Variants in GRM3 observed in about 807,000 individuals in gnomAD.
The protein encoded by GRM3 is glutamate metabotropic receptor 3.
A neutral mutation model predicts 70.5 loss-of-function variants in GRM3; 26 were observed. That is an observed-to-expected ratio of 0.37 (90% CI 0.27 to 0.51). GRM3 has a LOEUF of 0.51. GRM3 is among the 20% of genes least tolerant of loss of function. GRM3 has a pLI of 0.93. For synonymous variants in GRM3, 443 were observed against 434.9 expected, an observed-to-expected ratio of 1.02 and a Z score of -0.23; for missense variants, 859 against 1,123.8, an observed-to-expected ratio of 0.76 and a Z score of 3.37.
intron 1 of GRM3, among the ~76,000 whole-genome samples, chr7:86,713,366 A>G (rs1274581993): frequency 1.3e-5 from 2 of 151,986 alleles, no homozygotes; most frequent in South Asian, 2.1e-4. Context: ...TTATAGCCTC[A>G]TATTCAAAGT....
chr7:86,848,756 C>A (rs936376199), intron 4 of GRM3, among the ~76,000 whole-genome samples: 1 of 152,148 alleles, frequency 6.6e-6, no homozygotes, highest in Non-Finnish European at 1.5e-5. Context: ...CAAAGGACTA[C>A]CTCAAGACAG....
At chr7:86,844,034 T>G (rs749348521) in intron 4 of GRM3, among the ~76,000 whole-genome samples, 1 of 152,154 alleles carries the variant, frequency 6.6e-6, no homozygotes, top group Non-Finnish European at 1.5e-5. Context: ...AGGACCATAC[T>G]TGGAGTGTCA....
At chr7:86,723,753 A>G (rs1795528444) in intron 1 of GRM3, among the ~76,000 whole-genome samples, 1 of 152,092 alleles carries the variant, frequency 6.6e-6, no homozygotes, top group South Asian at 2.1e-4. Context: ...AACTCTGAGG[A>G]CTTTAAAGTT....
intron 1 of GRM3, among the ~76,000 whole-genome samples, chr7:86,665,437 C>T (rs574005349): frequency 6.6e-6 from 1 of 152,000 alleles, no homozygotes; most frequent in South Asian, 2.1e-4. Context: ...CTGATTTCTA[C>T]CAATGCTAAA....
chr7:86,725,418 G>C (rs1795568725), intron 1 of GRM3, among the ~76,000 whole-genome samples: 1 of 152,104 alleles, frequency 6.6e-6, no homozygotes, highest in Admixed American at 6.6e-5. Context: ...CTTTTGATGT[G>C]ATACCTCAAG....
rs184681725 is a variant in GRM3, at chr7:86,643,951, G to T, written c.-1062G>T. The T allele has an allele frequency of 3.9e-3, 597 of 152,702 alleles. 6 individuals carry two copies. Among genetic ancestry groups the T allele is most frequent in the Non-Finnish European group, 6.8e-3 (468 of 68,474 alleles). The allele number at this position is 152,702 out of a possible 1,614,324, so 9.5% of individuals were successfully genotyped here. A position where few individuals can be genotyped will look rare whatever the true frequency, so the allele number is the denominator to read the frequency against. ...CGCGAGTACGGCTGAGCTGCGTACC[G>T]GCCTCCCTGGCTCTCACACTCCCTC... On this transcript the variant is annotated 5_prime_UTR_variant, in exon 1 of 6. Coordinates refer to ENST00000361669, the MANE Select transcript of GRM3 (RefSeq NM_000840.3).
At chr7:86,700,093 C>G (rs895961123) in intron 1 of GRM3, among the ~76,000 whole-genome samples, 5 of 151,930 alleles carry the variant, frequency 3.3e-5, no homozygotes, top group Non-Finnish European at 7.4e-5. Flanking sequence ...ACAGAACCAT[C>G]TGTCAGTGAG....
intron 3 of GRM3, among the ~76,000 whole-genome samples, chr7:86,828,179 A>G (rs1424458544): frequency 4.6e-5 from 7 of 151,498 alleles, no homozygotes; most frequent in Admixed American, 2.0e-4. Flanking sequence ...ATAAAAGGGT[A>G]TTTATAGACA....
At chr7:86,653,554 G>T (rs942686812) in intron 1 of GRM3, among the ~76,000 whole-genome samples, 19 of 152,080 alleles carry the variant, frequency 1.2e-4, no homozygotes, top group Admixed American at 2.0e-4. Context: ...TATTATCTTC[G>T]TTGTAAAGGA....
chr7:86,782,587 C>T (rs1055332931), intron 2 of GRM3, among the ~76,000 whole-genome samples: 3 of 152,192 alleles, frequency 2.0e-5, no homozygotes, highest in African/African-American at 7.2e-5. Flanking sequence ...TGCATTTTCA[C>T]ATTCTGCGCT....
At chr7:86,833,414 TAAAG>T (rs143379558) in intron 3 of GRM3, among the ~76,000 whole-genome samples, 17,674 of 150,674 alleles carry the variant, frequency 0.12, 1,115 homozygotes, top group African/African-American at 0.16. Context: ...ATAATAATAA[TAAAG>T]AAAAAAAAGA....
intron 1 of GRM3, among the ~76,000 whole-genome samples, chr7:86,695,608 G>A (rs561169628): frequency 2.0e-5 from 3 of 152,266 alleles, no homozygotes; most frequent in East Asian, 3.9e-4. Context: ...TTTACTTGCT[G>A]TGAAACTGCA....
At chr7:86,822,745 T>A (rs1440973535) in intron 3 of GRM3, among the ~76,000 whole-genome samples, 1 of 152,154 alleles carries the variant, frequency 6.6e-6, no homozygotes, top group East Asian at 1.9e-4. Flanking sequence ...ATATCTTTTT[T>A]AAAAGTAAAT....
At position 86,760,747 on chromosome 7, in the gene GRM3, T is replaced by A. The variant is rs370263300; in HGVS notation, c.-140-4259T>A. ...CAGTATTAATCATTATAAGTTCTGC[T>A]ATAAAGAAAAAGTAAATAAAAATAC... On this transcript the variant is annotated intron_variant, in intron 1 of 5. Coordinates refer to ENST00000361669, the MANE Select transcript of GRM3 (RefSeq NM_000840.3). Among the ~76,000 whole-genome samples the A allele has an allele frequency of 2.5e-3, 374 of 152,280 alleles. 1 individual carries two copies. The highest frequency in any genetic ancestry group is 8.5e-3 in the African/African-American group (353 of 41,566).
intron 3 of GRM3, among the ~76,000 whole-genome samples, chr7:86,802,297 G>GA (rs906638493): frequency 6.0e-5 from 9 of 149,182 alleles, no homozygotes; most frequent in African/African-American, 1.2e-4. Context: ...AAAAAGAAAA[G>GA]AAAAAAAAAC....
intron 1 of GRM3, among the ~76,000 whole-genome samples, chr7:86,669,673 T>A: frequency 6.6e-6 from 1 of 152,310 alleles, no homozygotes; most frequent in East Asian, 1.9e-4. Context: ...TATTTTCTCT[T>A]ATATATTTTG....
At chr7:86,763,917 T>G (rs77845315) in intron 1 of GRM3, among the ~76,000 whole-genome samples, 13,868 of 152,154 alleles carry the variant, frequency 0.091, 705 homozygotes, top group Middle Eastern at 0.13. Context: ...TGCTACGAAT[T>G]ACAAGAGCTC....
At chr7:86,837,825 C>T (rs1798487637) in intron 3 of GRM3, among the ~76,000 whole-genome samples, 1 of 152,182 alleles carries the variant, frequency 6.6e-6, no homozygotes, top group South Asian at 2.1e-4. Flanking sequence ...CCATGAGTAA[C>T]AGAGTTTCTC....
At chr7:86,814,153 C>T (rs567470708) in intron 3 of GRM3, among the ~76,000 whole-genome samples, 13 of 151,926 alleles carry the variant, frequency 8.6e-5, no homozygotes, top group East Asian at 7.7e-4. Context: ...GGCTCTGTTG[C>T]GGTCACAGTC....
Sources: gnomAD v4.1 joint callset for allele counts (sites outside exome capture counted in the v4.1 genomes callset) on GRCh38, gnomAD v4.1.1 for gene constraint, MANE v1.5 for transcripts, NCBI Gene and HGNC (gene_info 2026-07-23, HGNC 2026-07-21) for gene names.